Variants in SLC25A25 observed in about 807,000 individuals in gnomAD.
The protein encoded by SLC25A25 is mitochondrial adenyl nucleotide antiporter SLC25A25.
Under a neutral mutation model 57.7 loss-of-function variants are expected in SLC25A25, and 32 were observed. That is an observed-to-expected ratio of 0.55 (90% CI 0.42 to 0.74). The LOEUF (loss-of-function observed/expected upper bound fraction) is 0.74. Ranked by LOEUF, SLC25A25 falls within the 30% of genes least tolerant of loss-of-function variation. The pLI is 0.00. For missense variants in SLC25A25, 556 were observed against 701.3 expected, an observed-to-expected ratio of 0.79 and a Z score of 2.34; for synonymous variants, 306 against 291.2, an observed-to-expected ratio of 1.05 and a Z score of -0.52.
At chr9:128,088,142 G>A (rs1193291849) in intron 1 of SLC25A25, among the ~76,000 whole-genome samples, 1 of 152,152 alleles carries the variant, frequency 6.6e-6, no homozygotes, top group Non-Finnish European at 1.5e-5. Context: ...CTTTATCTTG[G>A]AGTAGTTTGA....
At chr9:128,105,158 CTTTTTTTTTTTTT>C (rs11351573) in intron 6 of SLC25A25, among the ~76,000 whole-genome samples, 12 of 29,176 alleles carry the variant, frequency 4.1e-4, no homozygotes, top group South Asian at 4.7e-3. Context: ...CACTCCCGGC[CTTTTTTTTTTTTT>C]TTTTTTTTTT....
intron 7 of SLC25A25, 112 bp downstream of exon 7, chr9:128,105,993 C>G: frequency 6.5e-7 from 1 of 1,537,784 alleles, no homozygotes; most frequent in South Asian, 1.2e-5. Flanking sequence ...CGTGGTACCC[C>G]AGGGACAGCA....
In SLC25A25 at chr9:128,103,281, C is replaced by T. The variant is rs898587110; in HGVS notation, c.625-400C>T. On this transcript the variant is annotated intron_variant, in intron 5 of 10. Coordinates refer to ENST00000373069, the MANE Select transcript of SLC25A25 (RefSeq NM_001330988.2). This position sits in a 1 kb window ranked among gnomAD's most constrained non-coding sequence, Gnocchi z 6.7. ...GAGGCGTTGCATAATGTTCTGCCAG[C>T]GTGATCTGGTTACACGTGAGATCTC... Among the ~76,000 whole-genome samples the T allele has an allele frequency of 4.6e-5, 7 of 152,220 alleles. No homozygotes were observed. In the East Asian group the frequency reaches 9.6e-4, roughly 21 times the overall value.
intron 1 of SLC25A25, among the ~76,000 whole-genome samples, chr9:128,074,827 C>A (rs10987862): frequency 2.0e-5 from 3 of 151,994 alleles, no homozygotes; most frequent in Non-Finnish European, 2.9e-5. Flanking sequence ...TTGGTGAAAC[C>A]CTGTCTCTAC....
At chr9:128,083,754 A>G (rs4836606) in intron 1 of SLC25A25, among the ~76,000 whole-genome samples, 111,274 of 149,824 alleles carry the variant, frequency 0.74, 43,108 homozygotes, top group Non-Finnish European at 0.85. Flanking sequence ...TCCTGACCTT[A>G]TGATCCGCCC....
rs1832827292 is a variant in SLC25A25, at chr9:128,068,390, C to G, written c.71C>G (p.Ser24Trp). ...GACGCCGCCGCCACCGCCGCCTCTTCGTCTGCCTCATCGCCGGCGTCCGTG... is the reference window on the plus strand; with the variant it reads ...GACGCCGCCGCCACCGCCGCCTCTTGGTCTGCCTCATCGCCGGCGTCCGTG... ...PPDAAATAASSSASSPASVGD... is the reference protein window; with the variant it reads ...PPDAAATAASWSASSPASVGD... Residue 24 changes from serine to tryptophan, a missense_variant, in exon 1 of 11, where the codon TCG becomes TGG. Transcript: ENST00000373069. 1.3e-6 allele frequency: 2 copies of G among 1,557,092 alleles called. No individual in the cohort carries two copies. The highest frequency in any genetic ancestry group is 1.7e-6 in the Non-Finnish European group (2 of 1,160,472).
chr9:128,093,336 G>A (rs1833464845), intron 1 of SLC25A25, among the ~76,000 whole-genome samples: 1 of 152,214 alleles, frequency 6.6e-6, no homozygotes, highest in African/African-American at 2.4e-5. Context: ...TGTGGCACTA[G>A]CTTTGTGAGG....
At chr9:128,076,187 A>G (rs1290403226) in intron 1 of SLC25A25, among the ~76,000 whole-genome samples, 1 of 152,180 alleles carries the variant, frequency 6.6e-6, no homozygotes, top group Non-Finnish European at 1.5e-5. Context: ...GCTGGCGTTC[A>G]GTGGTTCAAT....
In SLC25A25 at chr9:128,095,677, G is replaced by T. The variant is rs1453771947; in HGVS notation, c.262-5419G>T. Among the ~76,000 whole-genome samples, 3 of 152,166 alleles carry T rather than the reference G, an allele frequency of 2.0e-5. No homozygotes were observed. Among genetic ancestry groups the T allele is most frequent in the Non-Finnish European group, 2.9e-5 (2 of 68,028 alleles). On this transcript the variant is annotated intron_variant, in intron 1 of 10. Transcript: ENST00000373069. This position sits in a 1 kb window ranked among gnomAD's most constrained non-coding sequence, Gnocchi z 4.4. ...TTTTAAAAATTAGCTGGGTGTGCTCGTGGGCACCTGTAGTCCCAGCTACTC... is the reference window on the plus strand; with the variant it reads ...TTTTAAAAATTAGCTGGGTGTGCTCTTGGGCACCTGTAGTCCCAGCTACTC...
At position 128,101,261 on chromosome 9, in the gene SLC25A25, G is replaced by C. The variant is rs747264328; in HGVS notation, c.388+39G>C. On this transcript the variant is annotated intron_variant, in intron 2 of 10. Transcript: ENST00000373069. The surrounding 1 kb of genome is among the most constrained non-coding windows in gnomAD (Gnocchi z 4.9). The stretch of plus-strand genomic sequence containing the variant: ...TCAGAGCTGTGGCCGGTCCAGCCTC[G>C]GGCCTCCCCGTGCGCCTGGCTCCTG... The C allele has an allele frequency of 1.2e-6, 2 of 1,614,188 alleles. No individual in the cohort carries two copies. The highest frequency in any genetic ancestry group is 3.3e-5 in the Admixed American group (2 of 60,022).
chr9:128,068,416 G>C lies in SLC25A25; in HGVS notation c.97G>C (p.Gly33Arg), dbSNP rs1219047424. The C allele has an allele frequency of 6.4e-7, 1 of 1,561,760 alleles. No homozygotes were observed. The change falls in exon 1 of 11, where the codon GGG (glycine) becomes CGG (arginine). Residue 33 changes from glycine (G) to arginine (R), a missense_variant. Coordinates refer to ENST00000373069, the MANE Select transcript of SLC25A25 (RefSeq NM_001330988.2). ...GTCTGCCTCATCGCCGGCGTCCGTG[G>C]GGGACCCCTGCGGCGGCGCTATCTG... ...SSSASSPASV[G>R]DPCGGAICGG...
intron 1 of SLC25A25, chr9:128,098,993 G>C (rs549025742): frequency 1.0e-6 from 1 of 985,462 alleles, no homozygotes; most frequent in South Asian, 4.7e-5. Context: ...GCTGGAATGA[G>C]GGGGGTGTTC....
chr9:128,092,026 T>C lies in SLC25A25; in HGVS notation c.262-9070T>C, dbSNP rs752964984. 10 of 1,613,854 alleles carry C rather than the reference T, an allele frequency of 6.2e-6. No homozygotes were observed. In the East Asian group the frequency reaches 2.0e-4, roughly 32 times the overall value. On this transcript the variant is annotated intron_variant, in intron 1 of 10. Transcript: ENST00000373069. Reference sequence around the variant, plus strand: ...TTTTGGGGAAACAGGACGGAAGGGCTGAGGCCACGGAAAAAAGACCCACCA... The same window carrying C: ...TTTTGGGGAAACAGGACGGAAGGGCCGAGGCCACGGAAAAAAGACCCACCA...
chr9:128,098,214 T>G (rs1306602989), intron 1 of SLC25A25: 1 of 190,782 alleles, frequency 5.2e-6, no homozygotes. Flanking sequence ...AGCTAGAGGG[T>G]GAAGGTTTGT....
At chr9:128,100,939 C>T in intron 1 of SLC25A25, 157 bp from the exon 2 acceptor site, 2 of 1,001,678 alleles carry the variant, frequency 2.0e-6, no homozygotes, top group Non-Finnish European at 2.9e-6. Context: ...AAGTCGATTG[C>T]CATGGTGGCT....
chr9:128,091,985 G>T, intron 1 of SLC25A25: 2 of 1,614,016 alleles, frequency 1.2e-6, no homozygotes, highest in South Asian at 1.1e-5. Flanking sequence ...TGCCTGGAGA[G>T]ACCAGATGGC....
At chr9:128,096,925 G>A (rs182588441) in intron 1 of SLC25A25, among the ~76,000 whole-genome samples, 1 of 152,220 alleles carries the variant, frequency 6.6e-6, no homozygotes, top group Non-Finnish European at 1.5e-5. Context: ...CACTAGGGTA[G>A]CCCAAGACCT....
At position 128,107,800 on chromosome 9, in the gene SLC25A25, G is replaced by T; in HGVS notation, c.*356G>T. 1 of 406,364 alleles carries T rather than the reference G, an allele frequency of 2.5e-6. No homozygotes were observed. The highest frequency in any genetic ancestry group is 4.3e-6 in the Non-Finnish European group (1 of 230,502). The allele number at this position is 406,364 out of a possible 1,614,324, so 25.2% of individuals were successfully genotyped here. A position where few individuals can be genotyped will look rare whatever the true frequency, so the allele number is the denominator to read the frequency against. On this transcript the variant is annotated 3_prime_UTR_variant, in exon 11 of 11. Coordinates refer to ENST00000373069, the MANE Select transcript of SLC25A25 (RefSeq NM_001330988.2). ...TTCCATTTCACCCTTGCAGCCAGCT[G>T]TTGGCCACGGCCCCTGCCCTCTGGT...
intron 1 of SLC25A25, among the ~76,000 whole-genome samples, chr9:128,086,921 G>A (rs890655905): frequency 6.6e-6 from 1 of 151,692 alleles, no homozygotes; most frequent in African/African-American, 2.4e-5. Flanking sequence ...ATCTTTTAAA[G>A]ATACTTAAAT....
Sources: gnomAD v4.1 joint callset for allele counts (sites outside exome capture counted in the v4.1 genomes callset) on GRCh38, gnomAD v4.1.1 for gene constraint, Gnocchi (gnomAD v3.1) non-coding constraint, MANE v1.5 for transcripts, NCBI Gene and HGNC (gene_info 2026-07-23, HGNC 2026-07-21) for gene names.